The following SH3GL2 variants were observed in gnomAD, a reference collection of about 807,000 sequenced individuals.
The protein encoded by SH3GL2 is SH3 domain containing GRB2 like 2, endophilin A1.
In SH3GL2, 24 loss-of-function variants were observed where a neutral mutation model predicts 46.0. The observed-to-expected ratio is 0.52, with a 90% confidence interval of 0.38 to 0.73. SH3GL2 has a LOEUF of 0.73. SH3GL2 is among the 30% of genes least tolerant of loss of function. The pLI is 0.00. For missense variants in SH3GL2, 413 were observed against 424.2 expected, an observed-to-expected ratio of 0.97 and a Z score of 0.23; for synonymous variants, 196 against 147.1, an observed-to-expected ratio of 1.33 and a Z score of -2.40.
chr9:17,770,466 G>A (rs773389142), intron 3 of SH3GL2, among the ~76,000 whole-genome samples: 1 of 152,136 alleles, frequency 6.6e-6, no homozygotes, highest in Non-Finnish European at 1.5e-5. Context: ...GTACTCTAGG[G>A]TGACTTGTAC....
At chr9:17,702,241 C>T (rs1821356962) in intron 1 of SH3GL2, among the ~76,000 whole-genome samples, 1 of 151,568 alleles carries the variant, frequency 6.6e-6, no homozygotes, top group South Asian at 2.1e-4. Flanking sequence ...ATTGGCAGGA[C>T]CAGGAAAATT....
chr9:17,790,781 C>T (rs1317894152), intron 6 of SH3GL2, among the ~76,000 whole-genome samples: 1 of 152,150 alleles, frequency 6.6e-6, no homozygotes, highest in Non-Finnish European at 1.5e-5. Flanking sequence ...TCTGTCATAC[C>T]ATGTCGCCTC....
chr9:17,718,552 ATC>A (rs546034460), intron 1 of SH3GL2, among the ~76,000 whole-genome samples: 136 of 152,200 alleles, frequency 8.9e-4, no homozygotes, highest in Non-Finnish European at 1.3e-3. Flanking sequence ...GTGAAATCCC[ATC>A]TCTACCAAAA....
chr9:17,664,325 T>C (rs1277338216), intron 1 of SH3GL2, among the ~76,000 whole-genome samples: 1 of 151,956 alleles, frequency 6.6e-6, no homozygotes, highest in Non-Finnish European at 1.5e-5. Context: ...AATGTGTTGA[T>C]GTGAAATAAA....
chr9:17,694,158 T>C (rs1043887925), intron 1 of SH3GL2, among the ~76,000 whole-genome samples: 2 of 152,168 alleles, frequency 1.3e-5, no homozygotes. Flanking sequence ...TATAAAGAAG[T>C]ACCTGAGACT....
At chr9:17,654,560 G>A (rs1820026860) in intron 1 of SH3GL2, among the ~76,000 whole-genome samples, 1 of 152,154 alleles carries the variant, frequency 6.6e-6, no homozygotes, top group African/African-American at 2.4e-5. Flanking sequence ...CGTAGATTAG[G>A]GCTTGGAATG....
chr9:17,690,712 A>G (rs1157166855), intron 1 of SH3GL2, among the ~76,000 whole-genome samples: 1 of 152,110 alleles, frequency 6.6e-6, no homozygotes, highest in African/African-American at 2.4e-5. Context: ...CGTCACATTT[A>G]TTAAGAATAA....
At chr9:17,720,706 A>G (rs16935926) in intron 1 of SH3GL2, among the ~76,000 whole-genome samples, 8,943 of 152,152 alleles carry the variant, frequency 0.059, 861 homozygotes, top group African/African-American at 0.2. Context: ...GTGAAATAAG[A>G]TATAAGGAAA....
chr9:17,678,810 A>T (rs1471769196), intron 1 of SH3GL2, among the ~76,000 whole-genome samples: 2 of 152,132 alleles, frequency 1.3e-5, no homozygotes, highest in African/African-American at 4.8e-5. Flanking sequence ...ATTTTTGTAT[A>T]AGGTGTAAGG....
chr9:17,793,570 G>C (rs1225297623), intron 8 of SH3GL2, 73 bp downstream of exon 8: 5 of 1,454,316 alleles, frequency 3.4e-6, no homozygotes, highest in Non-Finnish European at 4.7e-6. Context: ...GAAATTTTAG[G>C]AATAGTCCAA....
chr9:17,626,819 G>A (rs544291330), intron 1 of SH3GL2, among the ~76,000 whole-genome samples: 34 of 152,178 alleles, frequency 2.2e-4, no homozygotes, highest in African/African-American at 7.0e-4. Context: ...TTTACCTCCC[G>A]TGTCTCTCAT....
chr9:17,769,654 C>G (rs759933011), intron 3 of SH3GL2, among the ~76,000 whole-genome samples: 6 of 152,126 alleles, frequency 3.9e-5, no homozygotes, highest in Non-Finnish European at 8.8e-5. Flanking sequence ...CTGCCCCGAC[C>G]CCTATTGAAA....
chr9:17,754,525 T>G (rs1822935525), intron 2 of SH3GL2, among the ~76,000 whole-genome samples: 1 of 151,966 alleles, frequency 6.6e-6, no homozygotes, highest in African/African-American at 2.4e-5. Context: ...TACAAAAAAT[T>G]AGCTGGGTAT....
chr9:17,714,944 C>G (rs1445695449), intron 1 of SH3GL2, among the ~76,000 whole-genome samples: 1 of 151,534 alleles, frequency 6.6e-6, no homozygotes. Context: ...TTTTATATGT[C>G]TGAAAGTAAG....
rs556391282 is a variant in SH3GL2 at position 17,717,287 on chromosome 9, C to T, written c.46-29779C>T. ...GCTCTCCCTTTTGAAGAACACATTT[C>T]GTATTTTGGGTATTTCTCATCATTC... is the stretch of plus-strand genomic sequence containing the variant. On this transcript the variant is annotated intron_variant, in intron 1 of 8. Transcript: ENST00000380607. Among the ~76,000 whole-genome samples, 6 of 152,216 alleles carry T rather than the reference C, an allele frequency of 3.9e-5. No individual in the cohort carries two copies. In the East Asian group the frequency reaches 7.7e-4, roughly 20 times the overall value.
intron 1 of SH3GL2, among the ~76,000 whole-genome samples, chr9:17,718,261 G>T (rs1307233539): frequency 6.6e-6 from 1 of 152,136 alleles, no homozygotes; most frequent in East Asian, 1.9e-4. Context: ...CCCTCACACA[G>T]TGTTAGAACT....
chr9:17,687,693 A>G (rs918788236), intron 1 of SH3GL2, among the ~76,000 whole-genome samples: 2 of 151,618 alleles, frequency 1.3e-5, no homozygotes, highest in Middle Eastern at 3.2e-3. Flanking sequence ...TGTCCTGGTG[A>G]TAAAGTTTAA....
chr9:17,597,788 T>C (rs1818601711), intron 1 of SH3GL2, among the ~76,000 whole-genome samples: 2 of 152,186 alleles, frequency 1.3e-5, no homozygotes, highest in South Asian at 4.1e-4. Context: ...AAACTCTCTT[T>C]GGAGAGTTGC....
intron 1 of SH3GL2, among the ~76,000 whole-genome samples, chr9:17,601,416 T>G (rs1039766687): frequency 2.6e-5 from 4 of 152,146 alleles, no homozygotes; most frequent in Admixed American, 6.6e-5. Context: ...CCGTTTTTGG[T>G]GGTTTTTCTT....
Sources: gnomAD v4.1 joint callset for allele counts (sites outside exome capture counted in the v4.1 genomes callset) on GRCh38, gnomAD v4.1.1 for gene constraint, MANE v1.5 for transcripts, NCBI Gene and HGNC (gene_info 2026-07-23, HGNC 2026-07-21) for gene names.